Variants in ZSCAN18 observed in about 807,000 individuals in gnomAD.
The protein encoded by ZSCAN18 is zinc finger and SCAN domain containing 18, also known as zinc finger and SCAN domain-containing protein 18.
Under a neutral mutation model 31.1 loss-of-function variants are expected in ZSCAN18, and 16 were observed. That is an observed-to-expected ratio of 0.51 (90% CI 0.35 to 0.78). The LOEUF (loss-of-function observed/expected upper bound fraction) is 0.78, where lower values mean the gene tolerates loss of function less well. Among genes scored for constraint, ZSCAN18 ranks in the 30% least tolerant of loss-of-function variants. ZSCAN18 has a pLI of 0.01. For missense variants in ZSCAN18, 731 were observed against 697.4 expected (o/e 1.05, Z -0.54); for synonymous variants, 375 against 320.7 (o/e 1.17, Z -1.81).
At chr19:58,101,312 T>A (rs1216362628), upstream of ZSCAN18, among the ~76,000 whole-genome samples, 3 of 146,562 alleles carry the variant, frequency 2.0e-5, no homozygotes, top group Admixed American at 2.0e-4. Context: ...TTTTTTTTTT[T>A]TTTTTTTTTT....
At chr19:58,089,224 A>C (rs1176578427) in intron 2 of ZSCAN18, among the ~76,000 whole-genome samples, 63 of 133,804 alleles carry the variant, frequency 4.7e-4, no homozygotes, top group African/African-American at 1.6e-3. Context: ...AATGGCGTGA[A>C]CCCGGGAGGC....
chr19:58,087,468 C>T (rs2074306479), intron 3 of ZSCAN18, 64 bp from the exon 4 acceptor site: 4 of 1,462,936 alleles, frequency 2.7e-6, no homozygotes, highest in Non-Finnish European at 1.9e-6. Context: ...CCTCAAGGGT[C>T]AAGGAGCCCC....
intron 1 of ZSCAN18, among the ~76,000 whole-genome samples, chr19:58,094,008 A>C (rs1015228599): frequency 2.6e-5 from 4 of 151,226 alleles, no homozygotes; most frequent in Admixed American, 6.6e-5. Flanking sequence ...CAAGTGATCC[A>C]CCCGCCTCGG....
At chr19:58,096,007 C>G (rs1275326033) in intron 1 of ZSCAN18, among the ~76,000 whole-genome samples, 1 of 152,224 alleles carries the variant, frequency 6.6e-6, no homozygotes, top group Non-Finnish European at 1.5e-5. Context: ...CTCCAGAAAT[C>G]TCTGGCCCTG....
Position 58,084,971 on chromosome 19 carries a change from C to A in ZSCAN18, c.1247G>T (p.Gly416Val), listed in dbSNP as rs150846522. The change falls in exon 7 of 7, where the codon GGC becomes GTC. Residue 416 changes from glycine (G) to valine (V), a missense_variant. Physicochemically the swap from Gly to Val is moderately radical, Grantham distance 109. This residue lies in a region of ZSCAN18 where 597 missense variants were observed against 499.5 expected (regional missense o/e 1.20). Coordinates refer to ENST00000601144, the MANE Select transcript of ZSCAN18 (RefSeq NM_001145543.2). This position sits in a 1 kb window ranked among gnomAD's most constrained non-coding sequence, Gnocchi z 4.5. Reference sequence around the variant, plus strand: ...CCACGCGAAGGCCTCCCCGCACTCGCCGCAGGCATAGGGCTTCCCGCGGGA... The same window carrying A: ...CCACGCGAAGGCCTCCCCGCACTCGACGCAGGCATAGGGCTTCCCGCGGGA... Reference protein sequence around the residue: ...GLSRGKPYACGECGEAFAWLS... With the variant: ...GLSRGKPYACVECGEAFAWLS... 4.4e-6 allele frequency: 7 copies of A among 1,599,916 alleles called. No individual in the cohort carries two copies. The highest frequency in any genetic ancestry group is 1.7e-4 in the Middle Eastern group (1 of 6,038).
chr19:58,084,530 G>T lies in ZSCAN18; in HGVS notation c.*155C>A. On this transcript the variant is annotated 3_prime_UTR_variant, in exon 7 of 7. Transcript: ENST00000601144. This position sits in a 1 kb window ranked among gnomAD's most constrained non-coding sequence, Gnocchi z 4.5. ...GCTTCCCGTGGACCCTTCTCGTTGG[G>T]AGCGCTTAGCCTCAGGAGCGGATTC... The T allele has an allele frequency of 1.4e-6, 1 of 709,910 alleles. No homozygotes were observed. Among genetic ancestry groups the T allele is most frequent in the East Asian group, 3.2e-5 (1 of 31,202 alleles). 44.0% of individuals were successfully genotyped at this position (709,910 alleles called of 1,614,324 possible). A position where few individuals can be genotyped will look rare whatever the true frequency, so the allele number is the denominator to read the frequency against.
intron 1 of ZSCAN18, among the ~76,000 whole-genome samples, chr19:58,113,903 A>G (rs4524039): frequency 0.76 from 115,743 of 151,890 alleles, 44,806 homozygotes; most frequent in Non-Finnish European, 0.85. Flanking sequence ...ACTTGAACCC[A>G]GGAGGCAGAG....
chr19:58,108,480 C>T (rs933670), intron 1 of ZSCAN18: 848,297 of 985,736 alleles, frequency 0.86, 365,952 homozygotes, highest in African/African-American at 0.97. Flanking sequence ...GGAGCCAGCA[C>T]TGAAGGCTTT....
chr19:58,086,238 G>A lies in ZSCAN18; in HGVS notation c.774C>T (p.Ala258=). The A allele has an allele frequency of 6.2e-7, 1 of 1,614,026 alleles. No homozygotes were observed. ...GGAGTTCCTCAGTGTCCAGCCTGGA[G>A]GCAGCGTCAGGCTGGGAAAGCTGAT... ...WGYQLSQPDA[A]SRLDTEELRL... Residue 258 remains alanine (A), a synonymous_variant, in exon 6 of 7, where the codon GCC becomes GCT. Coordinates refer to ENST00000601144, the MANE Select transcript of ZSCAN18 (RefSeq NM_001145543.2).
At chr19:58,111,677 T>G (rs1186129309) in intron 1 of ZSCAN18, among the ~76,000 whole-genome samples, 1 of 152,094 alleles carries the variant, frequency 6.6e-6, no homozygotes, top group Admixed American at 6.5e-5. Flanking sequence ...TACCAAACAA[T>G]TAAAGAAGAA....
intron 5 of ZSCAN18, 103 bp from the exon 6 acceptor site, chr19:58,086,369 T>A: frequency 9.9e-7 from 1 of 1,009,440 alleles, no homozygotes; most frequent in Non-Finnish European, 1.5e-6. Context: ...GCCCACCTCC[T>A]CTTCTCTGTA....
At chr19:58,117,882 G>A (rs2074744812) in intron 1 of ZSCAN18, among the ~76,000 whole-genome samples, 1 of 152,156 alleles carries the variant, frequency 6.6e-6, no homozygotes, top group Non-Finnish European at 1.5e-5. Context: ...GTGCTCCACA[G>A]GGCGAAGGGA....
rs1249331753 is a variant in ZSCAN18 at position 58,106,687 on chromosome 19, G to C, written c.130+11580C>G. Among the ~76,000 whole-genome samples, 7 of 6,006 alleles carry C rather than the reference G, an allele frequency of 1.2e-3. 1 individual carries two copies. Among genetic ancestry groups the C allele is most frequent in the African/African-American group, 1.5e-3 (5 of 3,290 alleles). The allele number at this position is 6,006 out of a possible 152,430, so 3.9% of individuals were successfully genotyped here. On this transcript the variant is annotated intron_variant, in intron 1 of 1. Coordinates refer to the ZSCAN18 transcript ENST00000595721. ...CCACTGCACTCCAGCCTGGGCGACA[G>C]AGCGAGACTCCGTCTCAAAAAAAAA... is the stretch of plus-strand genomic sequence containing the variant.
upstream of ZSCAN18, among the ~76,000 whole-genome samples, chr19:58,102,821 A>C (rs910718492): frequency 1.3e-5 from 2 of 152,132 alleles, no homozygotes; most frequent in African/African-American, 4.8e-5. Flanking sequence ...TAACATGTAC[A>C]TTTTATGTGC....
At position 58,084,705 on chromosome 19, in the gene ZSCAN18, G is replaced by C; in HGVS notation, c.1513C>G (p.Pro505Ala). ...ESVEGEAPPA[P>A]PEAQR The stretch of plus-strand genomic sequence containing the variant: ...GCGGCTCACCTCTGCGCCTCTGGGG[G>C]TGCGGGGGGAGCCTCGCCCTCCACG... Residue 505 changes from proline (P) to alanine (A), a missense_variant, in exon 7 of 7, where the codon CCC (proline) becomes GCC (alanine). Transcript: ENST00000601144. The surrounding 1 kb of genome is among the most constrained non-coding windows in gnomAD (Gnocchi z 4.5). 1.3e-6 allele frequency: 2 copies of C among 1,503,456 alleles called. No homozygotes were observed. Among genetic ancestry groups the C allele is most frequent in the Non-Finnish European group, 1.8e-6 (2 of 1,136,560 alleles). 93.1% of individuals were successfully genotyped at this position (1,503,456 alleles called of 1,614,324 possible). A position where few individuals can be genotyped will look rare whatever the true frequency, so the allele number is the denominator to read the frequency against.
At chr19:58,116,627 A>G (rs1342873680) in intron 1 of ZSCAN18, among the ~76,000 whole-genome samples, 6 of 152,310 alleles carry the variant, frequency 3.9e-5, no homozygotes, top group Non-Finnish European at 5.9e-5. Context: ...TGCCGAAGGA[A>G]GAAGCTAGGG....
At chr19:58,114,553 A>G (rs1340375061) in intron 1 of ZSCAN18, among the ~76,000 whole-genome samples, 1 of 152,178 alleles carries the variant, frequency 6.6e-6, no homozygotes, top group East Asian at 1.9e-4. Flanking sequence ...AATGTACATT[A>G]TATAAATATA....
intron 1 of ZSCAN18, among the ~76,000 whole-genome samples, chr19:58,106,373 A>G (rs1308008432): frequency 4.6e-5 from 7 of 152,180 alleles, no homozygotes; most frequent in African/African-American, 1.7e-4. Context: ...CTGCACTCCA[A>G]CCTGGGCAAC....
chr19:58,092,562 C>T lies in ZSCAN18; in HGVS notation c.-119-2176G>A, dbSNP rs144159202. The stretch of plus-strand genomic sequence containing the variant: ...CTGCACTCCAGCCTGGGTGACAGAG[C>T]GAGACTCTGTCTCAAAAAAAAAAAA... On this transcript the variant is annotated intron_variant, in intron 1 of 6. Transcript: ENST00000601144. 1,040 of 381,346 alleles carry T rather than the reference C, an allele frequency of 2.7e-3. 17 individuals carry two copies. Among genetic ancestry groups the T allele is most frequent in the African/African-American group, 0.025 (921 of 37,080 alleles). The allele number at this position is 381,346 out of a possible 1,614,324, so 23.6% of individuals were successfully genotyped here. A position where few individuals can be genotyped will look rare whatever the true frequency, so the allele number is the denominator to read the frequency against.
Sources: gnomAD v4.1 joint callset for allele counts (sites outside exome capture counted in the v4.1 genomes callset) on GRCh38, gnomAD v4.1.1 for gene constraint, gnomAD v4.1.1 regional missense constraint, Gnocchi (gnomAD v3.1) non-coding constraint, MANE v1.5 for transcripts, NCBI Gene and HGNC (gene_info 2026-07-23, HGNC 2026-07-21) for gene names.